The following RGS5 variants were observed in gnomAD, a reference collection of about 807,000 sequenced individuals.
RGS5 encodes regulator of G protein signaling 5, also known as regulator of G-protein signalling 5.
RGS5 carries 20 observed loss-of-function variants against 18.9 expected under a neutral mutation model. That is an observed-to-expected ratio of 1.06 (90% CI 0.74 to 1.54). RGS5 has a LOEUF of 1.54. RGS5 is among the 40% of genes most tolerant of loss of function. The probability of loss-of-function intolerance (pLI) is 0.00; values close to 1 mark genes in which losing one functional copy is unlikely to be tolerated. For missense variants in RGS5, 201 were observed against 211.8 expected (o/e 0.95, Z 0.32); for synonymous variants, 57 against 76.2 (o/e 0.75, Z 1.31).
At chr1:163,149,035 G>T (rs1030155418) in intron 4 of RGS5, among the ~76,000 whole-genome samples, 2 of 152,232 alleles carry the variant, frequency 1.3e-5, no homozygotes, top group African/African-American at 4.8e-5. Context: ...AGCCAGGTCA[G>T]AACAGACAGC....
intron 1 of RGS5, among the ~76,000 whole-genome samples, chr1:163,309,716 T>C (rs1177639600): frequency 6.6e-6 from 1 of 152,224 alleles, no homozygotes. Context: ...AATTGACATT[T>C]TGACCTCCTC....
intron 2 of RGS5, chr1:163,260,641 T>G (rs775316407): frequency 2.0e-5 from 3 of 151,320 alleles, no homozygotes; most frequent in Non-Finnish European, 4.4e-5. Flanking sequence ...AAAAAACACT[T>G]GTACCTCAAA....
intron 2 of RGS5, among the ~76,000 whole-genome samples, chr1:163,273,674 CAG>C (rs1648778347): frequency 6.6e-6 from 1 of 152,126 alleles, no homozygotes; most frequent in African/African-American, 2.4e-5. Flanking sequence ...TAGGACCACT[CAG>C]AGACAGTTTA....
At chr1:163,321,556 C>T (rs1423807950) in intron 1 of RGS5, 7 of 152,204 alleles carry the variant, frequency 4.6e-5, no homozygotes, top group African/African-American at 1.7e-4. Context: ...TTATAAGCAT[C>T]TAACAAAACC....
At chr1:163,269,160 A>C (rs12760300) in intron 2 of RGS5, among the ~76,000 whole-genome samples, 43,282 of 152,026 alleles carry the variant, frequency 0.28, 6,332 homozygotes, top group Non-Finnish European at 0.32. Flanking sequence ...AGTATATTAC[A>C]ACTGTTTGTG....
chr1:163,185,215 C>T (rs565030760), intron 1 of RGS5, among the ~76,000 whole-genome samples: 47 of 152,216 alleles, frequency 3.1e-4, no homozygotes, highest in African/African-American at 1.1e-3. Context: ...TACACACACA[C>T]ACACACGCAG....
upstream of RGS5, among the ~76,000 whole-genome samples, chr1:163,218,908 C>G (rs1230283967): frequency 6.6e-6 from 1 of 152,084 alleles, no homozygotes; most frequent in East Asian, 1.9e-4. Flanking sequence ...GATCAAGAAG[C>G]AGATTATGGT....
chr1:163,315,548 G>A (rs1225809907), intron 1 of RGS5, among the ~76,000 whole-genome samples: 1 of 152,186 alleles, frequency 6.6e-6, no homozygotes, highest in African/African-American at 2.4e-5. Flanking sequence ...AGAGAGGTTA[G>A]AGTTTAATAT....
At chr1:163,215,199 G>A (rs918779968) in intron 1 of RGS5, among the ~76,000 whole-genome samples, 1 of 152,142 alleles carries the variant, frequency 6.6e-6, no homozygotes, top group Non-Finnish European at 1.5e-5. Flanking sequence ...TGTAAATGCT[G>A]CATGTATTTC....
At chr1:163,228,022 T>C (rs1647377072) in intron 2 of RGS5, among the ~76,000 whole-genome samples, 1 of 152,186 alleles carries the variant, frequency 6.6e-6, no homozygotes, top group Admixed American at 6.5e-5. Flanking sequence ...CCAGGATGCT[T>C]TCACAGGGGG....
chr1:163,282,757 C>T (rs962470676), intron 2 of RGS5, among the ~76,000 whole-genome samples: 1 of 151,756 alleles, frequency 6.6e-6, no homozygotes, highest in Non-Finnish European at 1.5e-5. Flanking sequence ...TTATATTTTC[C>T]AAGAATCCTA....
chr1:163,186,578 C>CAAAAAAAAA (rs34092786), intron 1 of RGS5, among the ~76,000 whole-genome samples: 4 of 95,956 alleles, frequency 4.2e-5, no homozygotes, highest in Admixed American at 1.3e-4. Context: ...GACTCTGTCT[C>CAAAAAAAAA]AAAAAAAAAA....
intron 1 of RGS5, among the ~76,000 whole-genome samples, chr1:163,318,520 G>C (rs1386465948): frequency 6.6e-6 from 1 of 152,160 alleles, no homozygotes. Flanking sequence ...CCTCCCGAAA[G>C]TCGGAACTTC....
At chr1:163,237,861 T>C (rs1557915373) in intron 2 of RGS5, 1 of 153,734 alleles carries the variant, frequency 6.5e-6, no homozygotes, top group Non-Finnish European at 1.5e-5. Flanking sequence ...CACAGAACAA[T>C]TACTGGCAGG....
At chr1:163,185,229 G>T (rs1344301695) in intron 1 of RGS5, among the ~76,000 whole-genome samples, 2 of 151,946 alleles carry the variant, frequency 1.3e-5, no homozygotes, top group Non-Finnish European at 2.9e-5. Context: ...CACGCAGAGG[G>T]GTGTGAGTGG....
chr1:163,305,897 A>G (rs917822945), intron 2 of RGS5, among the ~76,000 whole-genome samples: 1 of 152,178 alleles, frequency 6.6e-6, no homozygotes, highest in South Asian at 2.1e-4. Flanking sequence ...ACTGTGCTCC[A>G]GGGTGCACCT....
At chr1:163,169,108 T>C (rs1249722985) in intron 1 of RGS5, among the ~76,000 whole-genome samples, 1 of 151,232 alleles carries the variant, frequency 6.6e-6, no homozygotes, top group Non-Finnish European at 1.5e-5. Context: ...TGAGAACATG[T>C]GCTGTTTGGT....
chr1:163,309,084 T>C (rs1649784647), intron 1 of RGS5, among the ~76,000 whole-genome samples: 1 of 152,112 alleles, frequency 6.6e-6, no homozygotes. Flanking sequence ...GTGTAGTGGT[T>C]CATGCCTGTA....
intron 2 of RGS5, among the ~76,000 whole-genome samples, chr1:163,294,613 T>C (rs1008996305): frequency 2.6e-5 from 4 of 152,254 alleles, no homozygotes; most frequent in African/African-American, 9.6e-5. Context: ...TTGTCTTGGC[T>C]ATTAACATTT....
Sources: allele counts gnomAD v4.1 joint callset (sites outside exome capture counted in the v4.1 genomes callset), GRCh38; gene constraint gnomAD v4.1.1; transcripts MANE v1.5; gene names NCBI Gene and HGNC (gene_info 2026-07-23, HGNC 2026-07-21).